Variants in NSMCE2 observed in about 807,000 individuals in gnomAD.
NSMCE2 encodes NSE2 SUMO ligase component of SMC5/6 complex.
A neutral mutation model predicts 23.8 loss-of-function variants in NSMCE2; 24 were observed. The ratio of observed to expected loss-of-function variants is 1.01; its 90% CI spans 0.73 to 1.42. The LOEUF (loss-of-function observed/expected upper bound fraction) is 1.42. NSMCE2 is among the 40% of genes most tolerant of loss of function. The probability of loss-of-function intolerance (pLI) is 0.00; values close to 1 mark genes in which losing one functional copy is unlikely to be tolerated. For synonymous variants in NSMCE2, 92 were observed against 94.1 expected (o/e 0.98, Z 0.13); for missense variants, 284 against 296.5 (o/e 0.96, Z 0.31).
intron 5 of NSMCE2, among the ~76,000 whole-genome samples, chr8:125,301,490 G>A (rs2131198807): frequency 6.6e-6 from 1 of 152,116 alleles, no homozygotes; most frequent in Non-Finnish European, 1.5e-5. Context: ...TGGTGGTGAG[G>A]ATTAAGTGAA....
chr8:125,259,826 A>G (rs1826609908), intron 5 of NSMCE2, among the ~76,000 whole-genome samples: 2 of 152,202 alleles, frequency 1.3e-5, no homozygotes, highest in Admixed American at 1.3e-4. Context: ...TGAATCTCAG[A>G]GGGTAAGGTC....
chr8:125,219,529 A>G (rs927466918), intron 5 of NSMCE2, among the ~76,000 whole-genome samples: 3 of 152,196 alleles, frequency 2.0e-5, no homozygotes, highest in Admixed American at 2.0e-4. Flanking sequence ...GTATTGCTAC[A>G]TTTTTTCTAG....
At position 125,340,002 on chromosome 8, in the gene NSMCE2, G is replaced by GTTTTT. The variant is rs202059678; in HGVS notation, c.419-17212_419-17208dup. Among the ~76,000 whole-genome samples the GTTTTT allele has an allele frequency of 7.7e-5, 8 of 103,686 alleles. No individual in the cohort carries two copies. In the South Asian group the frequency reaches 1.0e-3, roughly 13 times the overall value. The allele number at this position is 103,686 out of a possible 152,430, so 68.0% of individuals were successfully genotyped here. A position where few individuals can be genotyped will look rare whatever the true frequency, so the allele number is the denominator to read the frequency against. ...GAAACCATAAGCCTCCGACGTTGTA[G>GTTTTT]TTTTTTTTTGTTTTTTTTTTTTTTT... On this transcript the variant is annotated intron_variant, in intron 5 of 7. Coordinates refer to ENST00000287437, the MANE Select transcript of NSMCE2 (RefSeq NM_173685.4).
At position 125,148,777 on chromosome 8, in the gene NSMCE2, A is replaced by G. The variant is rs574604976; in HGVS notation, c.158-2394A>G. ...ACTAGGTAAGGCTGGTGTGAAACCAATAGTCTATTTTTCATTATTTTAAAT... is the reference window on the plus strand; with the variant it reads ...ACTAGGTAAGGCTGGTGTGAAACCAGTAGTCTATTTTTCATTATTTTAAAT... On this transcript the variant is annotated intron_variant, in intron 3 of 7. Transcript: ENST00000287437. Among the ~76,000 whole-genome samples, 327 of 152,354 alleles carry G rather than the reference A, an allele frequency of 2.1e-3. 1 individual carries two copies. The highest frequency in any genetic ancestry group is 7.6e-3 in the African/African-American group (317 of 41,584).
intron 5 of NSMCE2, among the ~76,000 whole-genome samples, chr8:125,334,937 G>T (rs1388557499): frequency 6.6e-6 from 1 of 151,424 alleles, no homozygotes; most frequent in African/African-American, 2.4e-5. Flanking sequence ...TTATTTTTTT[G>T]TAGAGGCGGA....
At chr8:125,101,139 C>CT (rs930414624) in intron 1 of NSMCE2, among the ~76,000 whole-genome samples, 30 of 152,304 alleles carry the variant, frequency 2.0e-4, no homozygotes, top group Admixed American at 1.7e-3. Flanking sequence ...ATGCCCTTCT[C>CT]TTTTTATATC....
At chr8:125,235,966 C>T (rs993296644) in intron 5 of NSMCE2, among the ~76,000 whole-genome samples, 3 of 152,160 alleles carry the variant, frequency 2.0e-5, no homozygotes, top group African/African-American at 4.8e-5. Context: ...TGAGAGGCAA[C>T]ACAGATTTCT....
At chr8:125,112,653 A>C (rs561773320) in intron 3 of NSMCE2, among the ~76,000 whole-genome samples, 1 of 152,296 alleles carries the variant, frequency 6.6e-6, no homozygotes, top group East Asian at 1.9e-4. Context: ...AAAGATAAAT[A>C]GTGCTTGATC....
intron 7 of NSMCE2, among the ~76,000 whole-genome samples, chr8:125,362,480 G>A (rs1046287524): frequency 2.6e-5 from 4 of 152,156 alleles, no homozygotes; most frequent in Non-Finnish European, 4.4e-5. Context: ...TCTTGAGAGC[G>A]GAAGCTGTGG....
At chr8:125,205,135 T>A (rs1167147213) in intron 5 of NSMCE2, among the ~76,000 whole-genome samples, 1 of 152,220 alleles carries the variant, frequency 6.6e-6, no homozygotes, top group Admixed American at 6.5e-5. Flanking sequence ...ATTCTACCCC[T>A]CTTTCTCTTC....
chr8:125,208,277 G>C (rs1428856914), intron 5 of NSMCE2, among the ~76,000 whole-genome samples: 1 of 152,190 alleles, frequency 6.6e-6, no homozygotes, highest in African/African-American at 2.4e-5. Context: ...CTTGAAAAGA[G>C]AGTGTAACAT....
intron 3 of NSMCE2, among the ~76,000 whole-genome samples, chr8:125,118,687 A>C (rs1480142324): frequency 6.6e-6 from 1 of 152,178 alleles, no homozygotes; most frequent in Non-Finnish European, 1.5e-5. Flanking sequence ...CATGTATATA[A>C]AAAGTAAAAA....
rs1818242246 is a variant in NSMCE2, at chr8:125,102,449, C to T, written c.119C>T (p.Thr40Ile). The T allele has an allele frequency of 1.2e-6, 2 of 1,613,762 alleles. No homozygotes were observed. The highest frequency in any genetic ancestry group is 1.3e-5 in the African/African-American group (1 of 74,906). Residue 40 changes from threonine (T) to isoleucine (I), a missense_variant, in exon 3 of 8, where the codon ACA becomes ATA. Thr to Ile is a moderately conservative substitution (Grantham distance 89). This residue lies in a region of NSMCE2 where 182 missense variants were observed against 155.5 expected (regional missense o/e 1.17). Transcript: ENST00000287437. ...GCCTGTATCAACTCTGGTATGGACA[C>T]AGCTTCTAGTGTTGCTTTGGATCTT... The part of the protein sequence containing the change: ...FQACINSGMD[T>I]ASSVALDLVE...
At chr8:125,318,970 T>C (rs1365474802) in intron 5 of NSMCE2, among the ~76,000 whole-genome samples, 8 of 152,084 alleles carry the variant, frequency 5.3e-5, no homozygotes, top group African/African-American at 1.9e-4. Flanking sequence ...GTCTCCTGAA[T>C]ACTGATGAGC....
chr8:125,322,121 C>T lies in NSMCE2; in HGVS notation c.419-35098C>T, dbSNP rs543689802. 2.6e-5 allele frequency among the ~76,000 whole-genome samples: 4 copies of T among 152,262 alleles called. No homozygotes were observed. In the South Asian group the frequency reaches 8.3e-4, roughly 32 times the overall value. ...TCTGGATATGACCTCAAACTGACCA[C>T]TTTGGGAAGCTAAAGTGGGAGAGTC... On this transcript the variant is annotated intron_variant, in intron 5 of 7. Coordinates refer to ENST00000287437, the MANE Select transcript of NSMCE2 (RefSeq NM_173685.4).
chr8:125,279,293 A>G (rs1827603857), intron 5 of NSMCE2, among the ~76,000 whole-genome samples: 1 of 152,182 alleles, frequency 6.6e-6, no homozygotes, highest in Non-Finnish European at 1.5e-5. Flanking sequence ...TCTTATATAT[A>G]TTGCAAATGG....
intron 5 of NSMCE2, among the ~76,000 whole-genome samples, chr8:125,314,632 C>T (rs1232000894): frequency 6.6e-6 from 1 of 152,212 alleles, no homozygotes. Flanking sequence ...CTGAAAACAA[C>T]CAAGCCAGGT....
At chr8:125,132,856 G>C (rs1229554030) in intron 3 of NSMCE2, among the ~76,000 whole-genome samples, 3 of 152,160 alleles carry the variant, frequency 2.0e-5, no homozygotes, top group Non-Finnish European at 4.4e-5. Context: ...AATGTCATAT[G>C]AATGTAAAAG....
chr8:125,354,883 C>A (rs992395569), intron 5 of NSMCE2, among the ~76,000 whole-genome samples: 5 of 152,134 alleles, frequency 3.3e-5, no homozygotes, highest in Non-Finnish European at 7.3e-5. Flanking sequence ...GCTCCAAAAT[C>A]CAAAACTTTT....
Sources: gnomAD v4.1 joint callset for allele counts (sites outside exome capture counted in the v4.1 genomes callset) on GRCh38, gnomAD v4.1.1 for gene constraint, gnomAD v4.1.1 regional missense constraint, MANE v1.5 for transcripts, NCBI Gene and HGNC (gene_info 2026-07-23, HGNC 2026-07-21) for gene names.